Variants in PARD3B observed in about 807,000 individuals in gnomAD.
PARD3B encodes the protein partitioning defective 3 homolog B.
PARD3B carries 103 observed loss-of-function variants against 130.2 expected under a neutral mutation model. The observed-to-expected ratio is 0.79, with a 90% confidence interval of 0.67 to 0.93. PARD3B has a LOEUF of 0.93. PARD3B is among the 40% of genes least tolerant of loss of function. The probability of loss-of-function intolerance (pLI) is 0.00; values close to 1 mark genes in which losing one functional copy is unlikely to be tolerated. For synonymous variants in PARD3B, 583 were observed against 553.2 expected (o/e 1.05, Z -0.76); for missense variants, 1,609 against 1,499.2 (o/e 1.07, Z -1.21).
intron 16 of PARD3B, among the ~76,000 whole-genome samples, chr2:205,246,343 C>T (rs1247184660): frequency 6.6e-6 from 1 of 151,514 alleles, no homozygotes; most frequent in Non-Finnish European, 1.5e-5. Flanking sequence ...TCTAGGAAGT[C>T]CACAAAAATT....
chr2:205,091,115 A>G lies in PARD3B; in HGVS notation c.505-13311A>G, dbSNP rs1364754315. Among the ~76,000 whole-genome samples the G allele has an allele frequency of 6.6e-6, 1 of 152,228 alleles. No individual in the cohort carries two copies. Among genetic ancestry groups the G allele is most frequent in the Non-Finnish European group, 1.5e-5 (1 of 68,044 alleles). ...CACCTTGGCTGCTTCTAGTTATTCT[A>G]GTAATTGTCTATGCAGGGTTAGCGG... On this transcript the variant is annotated intron_variant, in intron 4 of 22. Coordinates refer to ENST00000406610, the MANE Select transcript of PARD3B (RefSeq NM_001302769.2). The surrounding 1 kb of genome is among the most constrained non-coding windows in gnomAD (Gnocchi z 4.2).
chr2:204,893,211 A>T (rs2046514831), intron 2 of PARD3B, among the ~76,000 whole-genome samples: 1 of 152,216 alleles, frequency 6.6e-6, no homozygotes, highest in African/African-American at 2.4e-5. Context: ...TAAGATGAGT[A>T]AGATGAGGAC....
intron 2 of PARD3B, among the ~76,000 whole-genome samples, chr2:204,804,241 C>G (rs1242198951): frequency 6.6e-6 from 1 of 151,912 alleles, no homozygotes; most frequent in Admixed American, 6.6e-5. Flanking sequence ...AAAAACAACT[C>G]TTGCCTACAA....
At chr2:204,810,058 G>A (rs1436471222) in intron 2 of PARD3B, among the ~76,000 whole-genome samples, 1 of 150,784 alleles carries the variant, frequency 6.6e-6, no homozygotes, top group East Asian at 1.9e-4. Context: ...TGAATGTATA[G>A]GAATGCTAGT....
rs1433496271 is a variant in PARD3B at position 205,446,480 on chromosome 2, T to A, written c.3044+5808T>A. 6.6e-6 allele frequency among the ~76,000 whole-genome samples: 1 copy of A among 152,146 alleles called. No individual in the cohort carries two copies. Among genetic ancestry groups the A allele is most frequent in the East Asian group, 1.9e-4 (1 of 5,192 alleles). On this transcript the variant is annotated intron_variant, in intron 20 of 22. Coordinates refer to ENST00000406610, the MANE Select transcript of PARD3B (RefSeq NM_001302769.2). The surrounding 1 kb of genome is among the most constrained non-coding windows in gnomAD (Gnocchi z 4.4). ...ATTTTACATTTTGCATTTTTTTCTA[T>A]CTCCATATGAAACATACCCTATTTG...
chr2:205,343,550 C>A (rs1249150030), intron 18 of PARD3B, among the ~76,000 whole-genome samples: 1 of 152,220 alleles, frequency 6.6e-6, no homozygotes, highest in African/African-American at 2.4e-5. Flanking sequence ...TGTGTTAAGA[C>A]ATCTTGTATT....
In PARD3B at chr2:205,531,803, G is replaced by C. The variant is rs368112711; in HGVS notation, c.3181-21521G>C. Among the ~76,000 whole-genome samples the C allele has an allele frequency of 2.0e-5, 3 of 152,186 alleles. No homozygotes were observed. In the South Asian group the frequency reaches 6.2e-4, roughly 32 times the overall value. ...AAACTGATTGACAAATTGGTGATCT[G>C]ATGCATATGGATGATCTTTTTAGTG... is the stretch of plus-strand genomic sequence containing the variant. On this transcript the variant is annotated intron_variant, in intron 21 of 22. Coordinates refer to ENST00000406610, the MANE Select transcript of PARD3B (RefSeq NM_001302769.2).
intron 10 of PARD3B, among the ~76,000 whole-genome samples, chr2:205,132,104 A>G (rs1485638125): frequency 6.6e-6 from 1 of 152,152 alleles, no homozygotes; most frequent in Non-Finnish European, 1.5e-5. Context: ...GGCCACAGAG[A>G]ATGGGATTTA....
chr2:205,615,913 A>T lies in PARD3B; in HGVS notation c.*100A>T. ...ACCTCCTTGGTGTTAGGAATTCTCC[A>T]TGTTACTGATAAGCTTTTTCTCACT... is the stretch of plus-strand genomic sequence containing the variant. On this transcript the variant is annotated 3_prime_UTR_variant, in exon 23 of 23. Coordinates refer to ENST00000406610, the MANE Select transcript of PARD3B (RefSeq NM_001302769.2). 1.0e-6 allele frequency: 1 copy of T among 1,002,964 alleles called. No homozygotes were observed. Among genetic ancestry groups the T allele is most frequent in the South Asian group, 1.6e-5 (1 of 62,218 alleles). 62.1% of individuals were successfully genotyped at this position (1,002,964 alleles called of 1,614,324 possible). A position where few individuals can be genotyped will look rare whatever the true frequency, so the allele number is the denominator to read the frequency against.
intron 15 of PARD3B, among the ~76,000 whole-genome samples, chr2:205,245,500 A>C (rs1221553618): frequency 6.6e-6 from 1 of 152,240 alleles, no homozygotes; most frequent in Admixed American, 6.5e-5. Context: ...AATGTGGAAG[A>C]AACAACCCAG....
At chr2:205,475,547 A>G (rs1559128855) in intron 20 of PARD3B, among the ~76,000 whole-genome samples, 1 of 152,112 alleles carries the variant, frequency 6.6e-6, no homozygotes, top group African/African-American at 2.4e-5. Flanking sequence ...TATAGGATTT[A>G]TGTGGTCCAG....
chr2:205,119,051 G>T lies in PARD3B; in HGVS notation c.806+5G>T. On this transcript the variant is annotated splice_donor_5th_base_variant and intron_variant, in intron 7 of 22. Transcript: ENST00000406610. ...CGTAGACAAAACCTTTGCTCAGTAAGCATTTTTTCATTGTTTTATTTACTT... is the reference window on the plus strand; with the variant it reads ...CGTAGACAAAACCTTTGCTCAGTAATCATTTTTTCATTGTTTTATTTACTT... 6.3e-7 allele frequency: 1 copy of T among 1,594,246 alleles called. No individual in the cohort carries two copies. Among genetic ancestry groups the T allele is most frequent in the Non-Finnish European group, 8.5e-7 (1 of 1,172,888 alleles).
rs1427995747 is a variant in PARD3B, at chr2:205,183,421, G to A, written c.1925-2343G>A. On this transcript the variant is annotated intron_variant, in intron 13 of 22. Coordinates refer to ENST00000406610, the MANE Select transcript of PARD3B (RefSeq NM_001302769.2). This position sits in a 1 kb window ranked among gnomAD's most constrained non-coding sequence, Gnocchi z 5.2. Reference sequence around the variant, plus strand: ...AGGAAGTTGTCCCAGGATGTCCATTGTCCCCAATTTACATTACAGTCCTTC... The same window carrying A: ...AGGAAGTTGTCCCAGGATGTCCATTATCCCCAATTTACATTACAGTCCTTC... 6.6e-6 allele frequency among the ~76,000 whole-genome samples: 1 copy of A among 152,180 alleles called. No individual in the cohort carries two copies. Among genetic ancestry groups the A allele is most frequent in the Non-Finnish European group, 1.5e-5 (1 of 68,032 alleles).
At chr2:205,480,327 C>G (rs533877083) in intron 20 of PARD3B, among the ~76,000 whole-genome samples, 1 of 152,154 alleles carries the variant, frequency 6.6e-6, no homozygotes, top group Admixed American at 6.5e-5. Flanking sequence ...ACTTGTAATT[C>G]AGACCTTAGA....
intron 20 of PARD3B, among the ~76,000 whole-genome samples, chr2:205,441,728 A>G (rs2047722690): frequency 6.6e-6 from 1 of 152,202 alleles, no homozygotes; most frequent in East Asian, 1.9e-4. Flanking sequence ...AAGGGAAATC[A>G]TGGCATTTTT....
chr2:205,574,783 C>T (rs1484391314), intron 22 of PARD3B, among the ~76,000 whole-genome samples: 3 of 140,006 alleles, frequency 2.1e-5, no homozygotes, highest in African/African-American at 8.0e-5. Context: ...TCTGTGTTGA[C>T]AAGGAGATGG....
intron 22 of PARD3B, among the ~76,000 whole-genome samples, chr2:205,583,864 A>G (rs1452520748): frequency 2.0e-5 from 3 of 152,100 alleles, no homozygotes; most frequent in Admixed American, 6.5e-5. Context: ...CCTATCTTCT[A>G]ACTCTGTCTA....
At position 204,782,313 on chromosome 2, in the gene PARD3B, TG is replaced by T. The variant is rs199928881; in HGVS notation, c.222+96033del. ...TGAGTTTCATTCCTTGTTAAAATGATGGTGTTTGCTTAATTTAAATATTGTG... is the reference window on the plus strand; with the variant it reads ...TGAGTTTCATTCCTTGTTAAAATGATGTGTTTGCTTAATTTAAATATTGTG... On this transcript the variant is annotated intron_variant, in intron 2 of 22. Transcript: ENST00000406610. Among the ~76,000 whole-genome samples the T allele has an allele frequency of 9.7e-3, 1,469 of 152,078 alleles. 9 individuals carry two copies. The highest frequency in any genetic ancestry group is 0.014 in the Non-Finnish European group (969 of 67,916).
At chr2:204,593,885 G>A (rs1355552603) in intron 1 of PARD3B, among the ~76,000 whole-genome samples, 1 of 152,160 alleles carries the variant, frequency 6.6e-6, no homozygotes, top group East Asian at 1.9e-4. Flanking sequence ...GGACCTCTGA[G>A]GGTTTTAGTG....
Sources: allele counts gnomAD v4.1 joint callset (sites outside exome capture counted in the v4.1 genomes callset), GRCh38; gene constraint gnomAD v4.1.1; non-coding constraint Gnocchi (gnomAD v3.1); transcripts MANE v1.5; gene names NCBI Gene and HGNC (gene_info 2026-07-23, HGNC 2026-07-21).